Variants in GABRR1 observed in about 807,000 individuals in gnomAD.
The protein encoded by GABRR1 is gamma-aminobutyric acid type A receptor subunit rho1, also known as gamma-aminobutyric acid receptor subunit rho-1.
GABRR1 carries 59 observed loss-of-function variants against 55.5 expected under a neutral mutation model. The observed-to-expected ratio is 1.06, with a 90% CI of 0.86 to 1.32. GABRR1 has a LOEUF of 1.32. GABRR1 is among the 40% of genes most tolerant of loss of function. GABRR1 has a pLI of 0.00. For synonymous variants in GABRR1, 213 were observed against 226.0 expected, an observed-to-expected ratio of 0.94 and a Z score of 0.51; for missense variants, 602 against 619.1, an observed-to-expected ratio of 0.97 and a Z score of 0.29.
intron 1 of GABRR1, among the ~76,000 whole-genome samples, chr6:89,210,373 T>C (rs1451296712): frequency 6.6e-6 from 1 of 151,958 alleles, no homozygotes. Context: ...TTGCTTGTTT[T>C]TGTAGAAATG....
At chr6:89,220,045 TA>T (rs376086241), upstream of GABRR1, among the ~76,000 whole-genome samples, 129 of 152,362 alleles carry the variant, frequency 8.5e-4, no homozygotes, top group Middle Eastern at 6.8e-3. Context: ...CTTGCTGATT[TA>T]AAGACCAAAT....
chr6:89,203,394 G>C, intron 2 of GABRR1, 41 bp downstream of exon 2: 1 of 1,571,570 alleles, frequency 6.4e-7, no homozygotes. Context: ...GTTCACGGAG[G>C]AAACATCTGC....
At chr6:89,220,908 C>T (rs12189807), upstream of GABRR1, among the ~76,000 whole-genome samples, 1,464 of 152,092 alleles carry the variant, frequency 9.6e-3, 10 homozygotes, top group Non-Finnish European at 0.016. Context: ...TTAGTAGAGA[C>T]GGGGTTTCTC....
At chr6:89,210,059 G>A (rs907259023) in intron 1 of GABRR1, among the ~76,000 whole-genome samples, 11 of 152,032 alleles carry the variant, frequency 7.2e-5, no homozygotes, top group African/African-American at 2.7e-4. Flanking sequence ...TGGGGTCTGT[G>A]GGAGCTCTGT....
chr6:89,223,443 C>G (rs901123518), intron 1 of GABRR1, among the ~76,000 whole-genome samples: 1 of 152,144 alleles, frequency 6.6e-6, no homozygotes, highest in African/African-American at 2.4e-5. Flanking sequence ...TTTATCCACT[C>G]GTTGATTGTT....
intron 1 of GABRR1, among the ~76,000 whole-genome samples, chr6:89,225,774 A>G (rs1159121308): frequency 8.1e-6 from 1 of 123,370 alleles, no homozygotes; most frequent in Non-Finnish European, 1.7e-5. Context: ...ATTTGGGTAT[A>G]TACCCAGTAA....
At chr6:89,192,299 C>T (rs1387030555) in intron 5 of GABRR1, among the ~76,000 whole-genome samples, 1 of 152,130 alleles carries the variant, frequency 6.6e-6, no homozygotes, top group African/African-American at 2.4e-5. Context: ...CCACCGTCCT[C>T]TCCACATACA....
At chr6:89,201,404 C>T (rs1772467627) in intron 2 of GABRR1, 139 bp from the exon 3 acceptor site, 1 of 612,332 alleles carries the variant, frequency 1.6e-6, no homozygotes, top group African/African-American at 1.8e-5. Flanking sequence ...TCCCCTCTTT[C>T]TTTCTCCATC....
chr6:89,181,822 T>G, intron 8 of GABRR1, 83 bp downstream of exon 8: 1 of 1,350,382 alleles, frequency 7.4e-7, no homozygotes, highest in East Asian at 2.3e-5. Context: ...AGAATCAATT[T>G]GAAAAGAATG....
At chr6:89,183,562 G>A (rs1206466407) in intron 7 of GABRR1, among the ~76,000 whole-genome samples, 1 of 151,966 alleles carries the variant, frequency 6.6e-6, no homozygotes, top group South Asian at 2.1e-4. Flanking sequence ...GGTCAAAAAA[G>A]AGGCAAGAAG....
intron 1 of GABRR1, 115 bp from the exon 2 acceptor site, chr6:89,203,600 G>A: frequency 7.5e-6 from 6 of 802,188 alleles, no homozygotes; most frequent in Admixed American, 4.7e-5. Flanking sequence ...AAATGTAAAA[G>A]AAGAAGAAAA....
intron 7 of GABRR1, 111 bp from the exon 8 acceptor site, chr6:89,182,168 CT>C (rs1284154146): frequency 3.1e-6 from 3 of 970,560 alleles, no homozygotes; most frequent in Non-Finnish European, 4.5e-6. Context: ...CTTATCATGT[CT>C]TTATAAGGTG....
In GABRR1 at chr6:89,185,401, G is replaced by T; in HGVS notation, c.705C>A (p.Asp235Glu). 1 of 1,613,638 alleles carries T rather than the reference G, an allele frequency of 6.2e-7. No individual in the cohort carries two copies. The highest frequency in any genetic ancestry group is 1.3e-5 in the African/African-American group (1 of 75,008). Reference protein sequence around the residue: ...DLMLYWKKGNDSLKTDERISL... With the variant: ...DLMLYWKKGNESLKTDERISL... Reference sequence around the variant, plus strand: ...AGATCCGTTCATCTGTCTTTAAGGAGTCATTGCCCTTTTTCCAGTACAGCA... The same window carrying T: ...AGATCCGTTCATCTGTCTTTAAGGATTCATTGCCCTTTTTCCAGTACAGCA... Residue 235 changes from aspartate to glutamate, a missense_variant, in exon 7 of 10, where the codon GAC becomes GAA. Physicochemically the swap from Asp to Glu is conservative, Grantham distance 45 (BLOSUM62 2). Coordinates refer to ENST00000454853, the MANE Select transcript of GABRR1 (RefSeq NM_002042.5).
chr6:89,195,777 G>A (rs1324160064), intron 5 of GABRR1, among the ~76,000 whole-genome samples: 1 of 152,112 alleles, frequency 6.6e-6, no homozygotes, highest in Non-Finnish European at 1.5e-5. Context: ...CATCTGTATG[G>A]TGGAAACACT....
chr6:89,182,758 T>A (rs894530676), intron 7 of GABRR1, among the ~76,000 whole-genome samples: 1 of 152,074 alleles, frequency 6.6e-6, no homozygotes, highest in Admixed American at 6.5e-5. Context: ...ATGCCTGTAA[T>A]CCCAGCACTT....
At chr6:89,214,475 GAAGAA>G (rs1772928211) in intron 1 of GABRR1, among the ~76,000 whole-genome samples, 1 of 151,940 alleles carries the variant, frequency 6.6e-6, no homozygotes, top group South Asian at 2.1e-4. Flanking sequence ...CTGCAGATTG[GAAGAA>G]AATATTTGTA....
chr6:89,219,092 C>A (rs550489150), upstream of GABRR1, among the ~76,000 whole-genome samples: 55 of 152,204 alleles, frequency 3.6e-4, no homozygotes, highest in African/African-American at 1.3e-3. Context: ...ATGGTGAAAC[C>A]CTGTCCCTAC....
intron 1 of GABRR1, among the ~76,000 whole-genome samples, chr6:89,223,982 C>T (rs532251638): frequency 2.0e-5 from 3 of 151,490 alleles, no homozygotes; most frequent in African/African-American, 4.9e-5. Flanking sequence ...CAGATGATCT[C>T]GATCTCTTGA....
intron 6 of GABRR1, among the ~76,000 whole-genome samples, chr6:89,186,672 T>A (rs1445551039): frequency 2.0e-5 from 3 of 152,266 alleles, no homozygotes; most frequent in Non-Finnish European, 4.4e-5. Context: ...GAAAACTAAG[T>A]TCTGGAGACA....
Sources: gnomAD v4.1 joint callset for allele counts (sites outside exome capture counted in the v4.1 genomes callset) on GRCh38, gnomAD v4.1.1 for gene constraint, MANE v1.5 for transcripts, NCBI Gene and HGNC (gene_info 2026-07-23, HGNC 2026-07-21) for gene names.